Variants in PDE8A observed in about 807,000 individuals in gnomAD.
PDE8A encodes high affinity cAMP-specific and IBMX-insensitive 3',5'-cyclic phosphodiesterase 8A.
In PDE8A, 59 loss-of-function variants were observed where a neutral mutation model predicts 105.0. The ratio of observed to expected loss-of-function variants is 0.56; its 90% confidence interval spans 0.46 to 0.70. The LOEUF is 0.70. PDE8A is among the 30% of genes least tolerant of loss of function. The pLI is 0.00. For synonymous variants in PDE8A, 355 were observed against 371.9 expected (o/e 0.95, Z 0.52); for missense variants, 1,014 against 1,045.9 (o/e 0.97, Z 0.42).
At chr15:85,101,401 C>G (rs1309293138) in intron 11 of PDE8A, among the ~76,000 whole-genome samples, 1 of 152,144 alleles carries the variant, frequency 6.6e-6, no homozygotes, top group East Asian at 1.9e-4. Flanking sequence ...GAAAGCATTC[C>G]AGCAATAAAA....
At chr15:84,993,188 A>T (rs916584294) in intron 1 of PDE8A, among the ~76,000 whole-genome samples, 1 of 151,654 alleles carries the variant, frequency 6.6e-6, no homozygotes, top group Non-Finnish European at 1.5e-5. Context: ...TCATGCCTGT[A>T]ATCCCAGCAC....
intron 1 of PDE8A, among the ~76,000 whole-genome samples, chr15:85,001,541 A>G (rs1286078170): frequency 2.0e-5 from 3 of 152,152 alleles, no homozygotes; most frequent in African/African-American, 7.2e-5. Flanking sequence ...AAGGTCACGG[A>G]GAATGGATGG....
At chr15:85,029,947 C>T (rs2141371562) in intron 1 of PDE8A, among the ~76,000 whole-genome samples, 1 of 152,264 alleles carries the variant, frequency 6.6e-6, no homozygotes, top group African/African-American at 2.4e-5. Context: ...AGCGGGCTTC[C>T]CCTCAGGTCC....
intron 11 of PDE8A, among the ~76,000 whole-genome samples, chr15:85,108,465 T>C (rs542701679): frequency 6.6e-6 from 1 of 152,090 alleles, no homozygotes; most frequent in East Asian, 1.9e-4. Flanking sequence ...TTGTCAGTGA[T>C]TGGTTTGGGG....
In PDE8A at chr15:85,044,360, G is replaced by A. The variant is rs113572809; in HGVS notation, c.187-20010G>A. Among the ~76,000 whole-genome samples the A allele has an allele frequency of 7.0e-5, 3 of 42,770 alleles. No individual in the cohort carries two copies. In the East Asian group the frequency reaches 9.8e-4, roughly 14 times the overall value. The allele number at this position is 42,770 out of a possible 152,430, so 28.1% of individuals were successfully genotyped here. On this transcript the variant is annotated intron_variant, in intron 1 of 21. Transcript: ENST00000394553. ...TGGGAAAATCAGGAACAGGTAGGGG[G>A]AGGAAAGAGACTATGACAGTGGGGG...
chr15:85,113,115 A>T (rs555411171), intron 12 of PDE8A, among the ~76,000 whole-genome samples: 1 of 152,342 alleles, frequency 6.6e-6, no homozygotes, highest in Non-Finnish European at 1.5e-5. Context: ...TGGGCTTGCT[A>T]GATTGTTTCC....
At chr15:84,981,744 C>G (rs937346646), upstream of PDE8A, among the ~76,000 whole-genome samples, 3 of 151,150 alleles carry the variant, frequency 2.0e-5, no homozygotes, top group African/African-American at 7.3e-5. Context: ...GAGCTCGCCT[C>G]CCCCGGGGGT....
At chr15:85,079,125 A>T (rs1290167193) in intron 5 of PDE8A, among the ~76,000 whole-genome samples, 1 of 152,198 alleles carries the variant, frequency 6.6e-6, no homozygotes, top group Non-Finnish European at 1.5e-5. Flanking sequence ...ATGTACCCAC[A>T]CTTATGCATA....
intron 1 of PDE8A, among the ~76,000 whole-genome samples, chr15:85,012,503 A>T (rs1194619538): frequency 7.2e-6 from 1 of 139,644 alleles, no homozygotes; most frequent in Non-Finnish European, 1.5e-5. Context: ...AACAATGAGA[A>T]CACATGGACA....
rs775313361 is a variant in PDE8A, at chr15:85,089,339, G to A, written c.637G>A (p.Ala213Thr). The change falls in exon 7 of 22, where the codon GCT becomes ACT. Residue 213 changes from alanine (A) to threonine (T), a missense_variant and splice_region_variant. By Grantham distance (58) the Ala-to-Thr change is moderately conservative (BLOSUM62 0). Transcript: ENST00000394553. ...TCCTTTTTTTGTTTACTCATAAAGGGCTTGTAACTCAGTATTCACTGCATT... is the reference window on the plus strand; with the variant it reads ...TCCTTTTTTTGTTTACTCATAAAGGACTTGTAACTCAGTATTCACTGCATT... Reference protein sequence around the residue: ...GEVRSQLKLRACNSVFTALEN... With the variant: ...GEVRSQLKLRTCNSVFTALEN... The A allele has an allele frequency of 6.5e-7, 1 of 1,539,740 alleles. No homozygotes were observed. The highest frequency in any genetic ancestry group is 8.9e-7 in the Non-Finnish European group (1 of 1,117,468).
At chr15:85,116,338 G>A (rs2082097338) in intron 16 of PDE8A, 1 of 533,410 alleles carries the variant, frequency 1.9e-6, no homozygotes, top group Admixed American at 3.2e-5. Flanking sequence ...ATGCAACTGA[G>A]CCAGTGACTT....
chr15:85,026,555 ATC>A (rs1227091989), intron 1 of PDE8A, among the ~76,000 whole-genome samples: 1 of 152,174 alleles, frequency 6.6e-6, no homozygotes, highest in Non-Finnish European at 1.5e-5. Flanking sequence ...TGTGGATGCT[ATC>A]TCAAGCCTGC....
At chr15:85,017,477 G>A (rs1224371496) in intron 1 of PDE8A, among the ~76,000 whole-genome samples, 1 of 152,118 alleles carries the variant, frequency 6.6e-6, no homozygotes, top group African/African-American at 2.4e-5. Context: ...CTTTAATACA[G>A]TGTTAAAATA....
At chr15:85,092,792 G>A (rs777647119) in intron 8 of PDE8A, among the ~76,000 whole-genome samples, 13 of 152,164 alleles carry the variant, frequency 8.5e-5, no homozygotes, top group Non-Finnish European at 1.2e-4. Flanking sequence ...TGCTGGGGTT[G>A]TGCTCTTGGG....
intron 1 of PDE8A, among the ~76,000 whole-genome samples, chr15:85,001,029 C>T (rs1252037735): frequency 6.6e-6 from 1 of 152,148 alleles, no homozygotes; most frequent in Non-Finnish European, 1.5e-5. Context: ...GTTCCCCTGT[C>T]TAACACCCCC....
At chr15:84,983,827 C>CT (rs2079759930) in intron 1 of PDE8A, among the ~76,000 whole-genome samples, 2 of 152,126 alleles carry the variant, frequency 1.3e-5, no homozygotes, top group Admixed American at 6.6e-5. Context: ...GTCTTACAGG[C>CT]TTTTTTTGTG....
At chr15:85,046,292 GC>G (rs2080886772) in intron 1 of PDE8A, among the ~76,000 whole-genome samples, 1 of 151,970 alleles carries the variant, frequency 6.6e-6, no homozygotes, top group Non-Finnish European at 1.5e-5. Flanking sequence ...CAGGTGATCT[GC>G]CCGCCTCGGC....
intron 5 of PDE8A, 122 bp from the exon 6 acceptor site, chr15:85,083,434 A>G: frequency 1.6e-6 from 1 of 617,918 alleles, no homozygotes; most frequent in Non-Finnish European, 2.9e-6. Flanking sequence ...TTCATCATTA[A>G]TGATAAAGTA....
intron 6 of PDE8A, among the ~76,000 whole-genome samples, chr15:85,085,475 G>A (rs1013955640): frequency 2.6e-5 from 4 of 152,094 alleles, no homozygotes; most frequent in Admixed American, 2.6e-4. Context: ...TGAGGCGGGC[G>A]GATCACAAGG....
Sources: allele counts gnomAD v4.1 joint callset (sites outside exome capture counted in the v4.1 genomes callset), GRCh38; gene constraint gnomAD v4.1.1; transcripts MANE v1.5; gene names NCBI Gene and HGNC (gene_info 2026-07-23, HGNC 2026-07-21).